Variants in NRXN1 observed in about 807,000 individuals in gnomAD.
NRXN1 encodes neurexin-1.
A neutral mutation model predicts 150.9 loss-of-function variants in NRXN1; 39 were observed. That is an observed-to-expected ratio of 0.26 (90% confidence interval 0.20 to 0.34). The LOEUF is 0.34. Ranked by LOEUF, NRXN1 falls within the 10% of genes least tolerant of loss-of-function variation. The probability of loss-of-function intolerance (pLI) is 1.00; values close to 1 mark genes in which losing one functional copy is unlikely to be tolerated. For missense variants in NRXN1, 1,815 were observed against 1,949.9 expected (o/e 0.93, Z 1.30); for synonymous variants, 924 against 757.0 (o/e 1.22, Z -3.62).
At chr2:50,541,673 G>C (rs372383660) in intron 9 of NRXN1, among the ~76,000 whole-genome samples, 1 of 151,488 alleles carries the variant, frequency 6.6e-6, no homozygotes, top group African/African-American at 2.4e-5. Flanking sequence ...AAATATCCCA[G>C]TGCACACTTA....
At chr2:50,729,815 A>C (rs997575143) in intron 5 of NRXN1, among the ~76,000 whole-genome samples, 2 of 152,106 alleles carry the variant, frequency 1.3e-5, no homozygotes, top group Non-Finnish European at 1.5e-5. Context: ...CAGAGTCACA[A>C]TTCTCTTCAG....
intron 17 of NRXN1, among the ~76,000 whole-genome samples, chr2:50,426,067 C>T (rs2084456651): frequency 6.6e-6 from 1 of 152,120 alleles, no homozygotes; most frequent in South Asian, 2.1e-4. Context: ...TTTGTGATAC[C>T]TGAAATCAAA....
intron 15 of NRXN1, among the ~76,000 whole-genome samples, chr2:50,476,555 T>C (rs1048911512): frequency 1.6e-4 from 4 of 24,550 alleles, no homozygotes; most frequent in Non-Finnish European, 3.7e-4. Flanking sequence ...GATACTGGTA[T>C]GGCTGTCAGT....
At chr2:50,400,738 A>T (rs188246938) in intron 17 of NRXN1, among the ~76,000 whole-genome samples, 2 of 152,298 alleles carry the variant, frequency 1.3e-5, no homozygotes, top group Admixed American at 6.5e-5. Flanking sequence ...GAATGCTGAA[A>T]CTGAAAAAAA....
chr2:50,902,314 A>G (rs1574879407), intron 5 of NRXN1, among the ~76,000 whole-genome samples: 2 of 152,286 alleles, frequency 1.3e-5, no homozygotes, highest in East Asian at 3.9e-4. Flanking sequence ...TAGAAAAAAA[A>G]TAAAGCAAAT....
At position 50,053,448 on chromosome 2, in the gene NRXN1, G is replaced by A; in HGVS notation, c.3951C>T (p.Asn1317=). ...VLNMAAENDA[N]IAIVGNVRLV... ...GTCTCACATTTCCCACTATGGCGAT[G>A]TTGGCATCGTTTTCGGCTGCCATAT... is the stretch of plus-strand genomic sequence containing the variant. The change falls in exon 21 of 23, where the codon AAC becomes AAT. Residue 1317 remains asparagine, a synonymous_variant. Transcript: ENST00000401669. 3 of 1,614,038 alleles carry A rather than the reference G, an allele frequency of 1.9e-6. No homozygotes were observed.
chr2:50,941,585 TC>T (rs1446503044), intron 2 of NRXN1, among the ~76,000 whole-genome samples: 1 of 152,216 alleles, frequency 6.6e-6, no homozygotes, highest in Non-Finnish European at 1.5e-5. Flanking sequence ...GTGGCATTTT[TC>T]TCCTGCCCTA....
intron 12 of NRXN1, among the ~76,000 whole-genome samples, chr2:50,515,802 C>G (rs1558865931): frequency 6.6e-6 from 1 of 152,022 alleles, no homozygotes; most frequent in Non-Finnish European, 1.5e-5. Flanking sequence ...GTCATTGTGA[C>G]AATGATGAGA....
intron 6 of NRXN1, 56 bp from the exon 7 acceptor site, chr2:50,621,305 G>T: frequency 7.3e-7 from 1 of 1,370,940 alleles, no homozygotes; most frequent in Non-Finnish European, 1.0e-6. Flanking sequence ...AATAACGATC[G>T]TTACTTAAAA....
chr2:50,757,243 G>A (rs1284619811), intron 5 of NRXN1, among the ~76,000 whole-genome samples: 5 of 151,882 alleles, frequency 3.3e-5, no homozygotes, highest in African/African-American at 1.2e-4. Flanking sequence ...AATGGTTATA[G>A]AACCAGTCAG....
intron 8 of NRXN1, among the ~76,000 whole-genome samples, chr2:50,592,382 C>A (rs1558986647): frequency 6.6e-6 from 1 of 152,334 alleles, no homozygotes; most frequent in South Asian, 2.1e-4. Flanking sequence ...TGCCTGCACT[C>A]TGTGCATCCC....
intron 18 of NRXN1, among the ~76,000 whole-genome samples, chr2:50,103,399 G>C (rs1701224618): frequency 6.6e-6 from 1 of 151,820 alleles, no homozygotes; most frequent in African/African-American, 2.4e-5. Flanking sequence ...TCCTTAAATT[G>C]GTAGAAGAAT....
intron 5 of NRXN1, among the ~76,000 whole-genome samples, chr2:50,914,150 G>A (rs893203238): frequency 2.0e-5 from 3 of 151,648 alleles, no homozygotes; most frequent in African/African-American, 7.3e-5. Context: ...CTATGGCTTA[G>A]GACAGCCGGC....
At chr2:50,844,412 T>G (rs750777775) in intron 5 of NRXN1, among the ~76,000 whole-genome samples, 3 of 152,216 alleles carry the variant, frequency 2.0e-5, no homozygotes, top group Non-Finnish European at 4.4e-5. Context: ...TCTAGGTGCA[T>G]GACCATGTGG....
intron 21 of NRXN1, chr2:49,970,535 C>T (rs1677767676): frequency 6.6e-6 from 1 of 152,022 alleles, no homozygotes; most frequent in African/African-American, 2.4e-5. Context: ...AAATTGCCTA[C>T]CTACTCCACA....
chr2:50,467,240 C>T (rs1336068736), intron 16 of NRXN1, among the ~76,000 whole-genome samples: 2 of 151,504 alleles, frequency 1.3e-5, no homozygotes, highest in Non-Finnish European at 1.5e-5. Flanking sequence ...TATAAACTTC[C>T]CTGTGGAATA....
chr2:50,962,301 T>A (rs1693324575), intron 2 of NRXN1, among the ~76,000 whole-genome samples: 1 of 151,774 alleles, frequency 6.6e-6, no homozygotes, highest in Non-Finnish European at 1.5e-5. Context: ...ACTTTCCAGT[T>A]AAAATTCTGA....
chr2:50,441,962 G>A (rs1195019290), intron 17 of NRXN1, among the ~76,000 whole-genome samples: 4 of 152,142 alleles, frequency 2.6e-5, no homozygotes, highest in African/African-American at 4.8e-5. Context: ...ACTGTTATAT[G>A]TTTACAGAGT....
intron 17 of NRXN1, among the ~76,000 whole-genome samples, chr2:50,397,504 G>A (rs1160916322): frequency 6.6e-6 from 1 of 152,104 alleles, no homozygotes; most frequent in Non-Finnish European, 1.5e-5. Context: ...TGTTACAGAT[G>A]AACGGTGGGT....
Sources: gnomAD v4.1 joint callset for allele counts (sites outside exome capture counted in the v4.1 genomes callset) on GRCh38, gnomAD v4.1.1 for gene constraint, MANE v1.5 for transcripts, NCBI Gene and HGNC (gene_info 2026-07-23, HGNC 2026-07-21) for gene names.